The following ARHGAP29 variants were observed in gnomAD, a reference collection of about 807,000 sequenced individuals.
The protein encoded by ARHGAP29 is Rho GTPase activating protein 29, also known as rho GTPase-activating protein 29.
In ARHGAP29, 43 loss-of-function variants were observed where a neutral mutation model predicts 122.6. The ratio of observed to expected loss-of-function variants is 0.35; its 90% CI spans 0.27 to 0.45. The LOEUF is 0.45. Among genes scored for constraint, ARHGAP29 ranks in the 20% least tolerant of loss-of-function variants. The pLI, the probability that ARHGAP29 is intolerant of heterozygous loss-of-function variation, is 1.00. For missense variants in ARHGAP29, 1,303 were observed against 1,477.2 expected (o/e 0.88, Z 1.93); for synonymous variants, 506 against 497.1 (o/e 1.02, Z -0.24).
chr1:94,276,118 C>A (rs190445852), upstream of ARHGAP29, among the ~76,000 whole-genome samples: 5 of 152,004 alleles, frequency 3.3e-5, no homozygotes, highest in Admixed American at 1.3e-4. Flanking sequence ...ATTCACTGGG[C>A]GTGGTGGGGC....
chr1:94,227,202 T>C (rs1652662077), intron 2 of ARHGAP29, among the ~76,000 whole-genome samples: 1 of 151,822 alleles, frequency 6.6e-6, no homozygotes. Context: ...AAAGTTAACA[T>C]ACTACTTCCG....
upstream of ARHGAP29, chr1:94,237,863 G>T: frequency 1.6e-6 from 1 of 612,328 alleles, no homozygotes; most frequent in Non-Finnish European, 2.0e-6. Flanking sequence ...TGCGGCTAAT[G>T]GCCAGATGAG....
At chr1:94,301,877 T>A in the ARHGAP29 span, among the ~76,000 whole-genome samples, 1 of 152,278 alleles carries the variant, frequency 6.6e-6, no homozygotes, top group African/African-American at 2.4e-5. Context: ...TTGGATAAGT[T>A]AACCCCTCTA....
intron 12 of ARHGAP29, among the ~76,000 whole-genome samples, chr1:94,197,727 ATAT>A (rs1650563375): frequency 6.6e-6 from 1 of 152,238 alleles, no homozygotes; most frequent in African/African-American, 2.4e-5. Flanking sequence ...GTAATGCACC[ATAT>A]TTACAGGCTA....
In ARHGAP29 at chr1:94,173,240, T is replaced by C. The variant is rs1018401542; in HGVS notation, c.*629A>G. ...TTTCTTTGTACAACTGACTATCACA[T>C]GTAAAAACTGGCAATTAATTAAAAT... On this transcript the variant is annotated 3_prime_UTR_variant, in exon 23 of 23. Transcript: ENST00000260526. 1 of 152,644 alleles carries C rather than the reference T, an allele frequency of 6.6e-6. No individual in the cohort carries two copies. The highest frequency in any genetic ancestry group is 1.5e-5 in the Non-Finnish European group (1 of 68,030). 9.5% of individuals were successfully genotyped at this position (152,644 alleles called of 1,614,324 possible).
intron 1 of ARHGAP29, among the ~76,000 whole-genome samples, chr1:94,261,526 G>A (rs763978790): frequency 4.6e-5 from 7 of 152,034 alleles, no homozygotes; most frequent in African/African-American, 1.2e-4. Context: ...TGACCTGAAC[G>A]CTCCTTAAGC....
intron 13 of ARHGAP29, 129 bp downstream of exon 13, chr1:94,189,794 AAAT>A (rs1280732135): frequency 9.0e-5 from 73 of 812,340 alleles, no homozygotes; most frequent in Non-Finnish European, 1.3e-4. Context: ...CGATACCATA[AAAT>A]AATATTTAAA....
At chr1:94,192,181 A>G (rs1400214059) in intron 12 of ARHGAP29, 1 of 152,180 alleles carries the variant, frequency 6.6e-6, no homozygotes. Flanking sequence ...TCTGGTTCAG[A>G]TGCAGTAAGC....
At chr1:94,285,462 T>TATGG in the ARHGAP29 span, among the ~76,000 whole-genome samples, 1 of 152,102 alleles carries the variant, frequency 6.6e-6, no homozygotes, top group Non-Finnish European at 1.5e-5. Context: ...CTCAGGAAGC[T>TATGG]ATGGATATAA....
chr1:94,180,116 T>C (rs955526549), intron 19 of ARHGAP29, among the ~76,000 whole-genome samples, 159 bp from the exon 20 acceptor site: 1 of 152,178 alleles, frequency 6.6e-6, no homozygotes, highest in African/African-American at 2.4e-5. Context: ...ACAGATGTGG[T>C]CTATAAAGTA....
intron 5 of ARHGAP29, among the ~76,000 whole-genome samples, chr1:94,206,527 C>T (rs1651201957): frequency 6.6e-6 from 1 of 152,160 alleles, no homozygotes; most frequent in Non-Finnish European, 1.5e-5. Context: ...AAGAACACTA[C>T]TTTCAAAAGA....
At chr1:94,194,114 G>A (rs907580693) in intron 12 of ARHGAP29, 2 of 152,112 alleles carry the variant, frequency 1.3e-5, no homozygotes, top group African/African-American at 4.8e-5. Context: ...ATAGATAAGT[G>A]TGCAACCATT....
At chr1:94,308,296 T>C in the ARHGAP29 span, among the ~76,000 whole-genome samples, 1 of 152,092 alleles carries the variant, frequency 6.6e-6, no homozygotes, top group African/African-American at 2.4e-5. Context: ...GGAAAGATGG[T>C]AGTAGTAAGG....
At chr1:94,204,127 G>T (rs1032108225) in intron 7 of ARHGAP29, 133 bp from the exon 8 acceptor site, 1 of 502,820 alleles carries the variant, frequency 2.0e-6, no homozygotes, top group Non-Finnish European at 3.3e-6. Context: ...ATATAATACA[G>T]CAATACTTCT....
upstream of ARHGAP29, among the ~76,000 whole-genome samples, chr1:94,276,119 G>A (rs527363490): frequency 9.9e-5 from 15 of 152,070 alleles, no homozygotes; most frequent in East Asian, 7.8e-4. Context: ...TTCACTGGGC[G>A]TGGTGGGGCA....
chr1:94,287,877 C>A, the ARHGAP29 span, among the ~76,000 whole-genome samples: 1 of 152,218 alleles, frequency 6.6e-6, no homozygotes, highest in Non-Finnish European at 1.5e-5. Flanking sequence ...GTATATTTGC[C>A]ACATTTTCTT....
chr1:94,196,540 C>T (rs1401094984), intron 12 of ARHGAP29, among the ~76,000 whole-genome samples: 3 of 151,884 alleles, frequency 2.0e-5, no homozygotes, highest in Non-Finnish European at 4.4e-5. Context: ...GGATTACAGG[C>T]GTGAGCCACC....
At position 94,175,375 on chromosome 1, in the gene ARHGAP29, A is replaced by C. The variant is rs144459113; in HGVS notation, c.2906-626T>G. Among the ~76,000 whole-genome samples, 242 of 152,220 alleles carry C rather than the reference A, an allele frequency of 1.6e-3. 3 individuals are homozygous for C. The highest frequency in any genetic ancestry group is 5.4e-3 in the African/African-American group (226 of 41,552). ...CCGAACCCACAGTCCATGTTTTCTC[A>C]CTTAGAAGCCTCAGTTCCTGCATCT... On this transcript the variant is annotated intron_variant, in intron 22 of 22. Transcript: ENST00000260526.
chr1:94,282,582 A>C, the ARHGAP29 span, among the ~76,000 whole-genome samples: 1 of 152,132 alleles, frequency 6.6e-6, no homozygotes, highest in Non-Finnish European at 1.5e-5. Flanking sequence ...GCATGACCAC[A>C]CGTGGTCAAA....
Sources: allele counts gnomAD v4.1 joint callset (sites outside exome capture counted in the v4.1 genomes callset), GRCh38; gene constraint gnomAD v4.1.1; transcripts MANE v1.5; gene names NCBI Gene and HGNC (gene_info 2026-07-23, HGNC 2026-07-21).